Variants in MED24 observed in about 807,000 individuals in gnomAD.
The protein encoded by MED24 is mediator complex subunit 24, also known as mediator of RNA polymerase II transcription subunit 24.
In MED24, 74 loss-of-function variants were observed where a neutral mutation model predicts 118.8. The ratio of observed to expected loss-of-function variants is 0.62; its 90% CI spans 0.52 to 0.76. The LOEUF is 0.76. MED24 is among the 30% of genes least tolerant of loss of function. The probability of loss-of-function intolerance (pLI) is 0.00; values close to 1 mark genes in which losing one functional copy is unlikely to be tolerated. For missense variants in MED24, 1,041 were observed against 1,278.9 expected, an observed-to-expected ratio of 0.81 and a Z score of 2.84; for synonymous variants, 521 against 523.9, an observed-to-expected ratio of 0.99 and a Z score of 0.08.
rs141013830 is a variant in MED24 at position 40,019,785 on chromosome 17, G to C, written c.2853C>G (p.Thr951=). The C allele has an allele frequency of 1.9e-6, 3 of 1,611,808 alleles. No individual in the cohort carries two copies. Among genetic ancestry groups the C allele is most frequent in the Non-Finnish European group, 2.5e-6 (3 of 1,178,866 alleles). Residue 951 remains threonine, a splice_region_variant and synonymous_variant, in exon 25 of 26, where the codon ACC becomes ACG. Coordinates refer to ENST00000394128, the MANE Select transcript of MED24 (RefSeq NM_014815.4). The part of the protein sequence containing the change: ...GSVLQFMPFT[T]VSELVKVSAM... ...GGAGAGCCGGGAAGGTGGTACTCAC[G>C]GTGGTGAAGGGCATGAACTGCAGGA...
intron 11 of MED24, 29 bp from the exon 12 acceptor site, chr17:40,031,274 T>C (rs895266921): frequency 1.3e-6 from 2 of 1,544,762 alleles, no homozygotes; most frequent in Admixed American, 2.0e-5. Flanking sequence ...CTGAGGGAAC[T>C]GGGCACCTGG....
Position 40,033,101 on chromosome 17 carries a change from C to T in MED24, c.777G>A (p.Glu259=), listed in dbSNP as rs1224374856. The T allele has an allele frequency of 5.6e-6, 9 of 1,614,154 alleles. No individual in the cohort carries two copies. The highest frequency in any genetic ancestry group is 1.7e-6 in the Non-Finnish European group (2 of 1,180,046). Residue 259 remains glutamate (E), a synonymous_variant, in exon 8 of 26, where the codon GAG becomes GAA. Transcript: ENST00000394128. The surrounding 1 kb of genome is among the most constrained non-coding windows in gnomAD (Gnocchi z 5.2). ...TCAGCTGCTCCACCAGGGACTGCGT[C>T]TCGCCTGTCAGGTTCATGGTGCCCT... ...LLEGTMNLTG[E]TQSLVEQLTM... is the part of the protein sequence containing the mutation.
intron 3 of MED24, among the ~76,000 whole-genome samples, chr17:40,047,907 T>C (rs1270976876): frequency 6.6e-6 from 1 of 152,052 alleles, no homozygotes; most frequent in Non-Finnish European, 1.5e-5. Context: ...TTTTTGTATA[T>C]TTAGTAGAGA....
chr17:40,039,782 T>A (rs9895610), intron 3 of MED24, among the ~76,000 whole-genome samples: 1,681 of 53,278 alleles, frequency 0.032, 36 homozygotes, highest in African/African-American at 0.11. Context: ...CCATGCTTAA[T>A]TTTTTTTTTT....
intron 8 of MED24, 82 bp downstream of exon 8, chr17:40,032,974 G>C: frequency 6.4e-7 from 1 of 1,568,794 alleles, no homozygotes; most frequent in South Asian, 1.2e-5. Context: ...ACTTCTCCCA[G>C]GGAGAACCAG....
Position 40,019,514 on chromosome 17 carries a change from G to A in MED24, c.*15C>T. 1 of 1,607,678 alleles carries A rather than the reference G, an allele frequency of 6.2e-7. No individual in the cohort carries two copies. Among genetic ancestry groups the A allele is most frequent in the Non-Finnish European group, 8.5e-7 (1 of 1,176,804 alleles). On this transcript the variant is annotated 3_prime_UTR_variant, in exon 26 of 26. Coordinates refer to ENST00000394128, the MANE Select transcript of MED24 (RefSeq NM_014815.4). ...GCGCCAGTCCCCAGCCCCCACTGCG[G>A]CCATGCCAAGCCCCTCAGAGTGCAG...
intron 20 of MED24, 138 bp from the exon 21 acceptor site, chr17:40,022,964 C>A (rs1982212647): frequency 1.5e-6 from 2 of 1,341,058 alleles, no homozygotes; most frequent in Non-Finnish European, 2.0e-6. Flanking sequence ...CAGGCTGAAT[C>A]CCAGTCTCTG....
intron 3 of MED24, among the ~76,000 whole-genome samples, chr17:40,049,723 C>T (rs2144994450): frequency 6.7e-6 from 1 of 149,670 alleles, no homozygotes; most frequent in South Asian, 2.2e-4. Context: ...GACGGGGTTT[C>T]ACCATGTTGT....
Position 40,023,364 on chromosome 17 carries a change from T to C in MED24, c.2017A>G (p.Met673Val). Residue 673 changes from methionine (M) to valine (V), a missense_variant, in exon 20 of 26, where the codon ATG (methionine) becomes GTG (valine). Transcript: ENST00000394128. ...VVIMNSILER[M>V]CADVLQQTAT... is the part of the protein sequence containing the mutation. ...GTCTGCTGCAGCACGTCGGCACACA[T>C]GCGCTCCAGGATCGAGTTCATGATC... The C allele has an allele frequency of 1.9e-6, 3 of 1,608,838 alleles. No individual in the cohort carries two copies. The highest frequency in any genetic ancestry group is 2.5e-6 in the Non-Finnish European group (3 of 1,176,996).
rs748121506 is a variant in MED24, at chr17:40,027,459, G to A, written c.1454C>T (p.Pro485Leu). Residue 485 changes from proline (P) to leucine (L), a missense_variant, in exon 16 of 26, where the codon CCG becomes CTG. Coordinates refer to ENST00000394128, the MANE Select transcript of MED24 (RefSeq NM_014815.4). ...AAACAGCAGGGCCCGGACGGAGGCC[G>A]GTTTGGCTGTGGAAGGACGGGAAGG... ...TTYGSEESTK[P>L]ASVRALLFDI... 5.0e-6 allele frequency: 8 copies of A among 1,611,138 alleles called. No homozygotes were observed. Among genetic ancestry groups the A allele is most frequent in the Admixed American group, 3.4e-5 (2 of 59,684 alleles).
rs528647189 is a variant in MED24, at chr17:40,027,801, A to T, written c.1447+108T>A. On this transcript the variant is annotated intron_variant, in intron 15 of 25. Coordinates refer to ENST00000394128, the MANE Select transcript of MED24 (RefSeq NM_014815.4). ...CCATTGGTCATGGCTCTGAGGAGGG[A>T]GCACAGCCTCCCCCTGTTGAGCTGG... The T allele has an allele frequency of 5.7e-6, 7 of 1,227,732 alleles. No homozygotes were observed. In the East Asian group the frequency reaches 1.6e-4, roughly 28 times the overall value. The allele number at this position is 1,227,732 out of a possible 1,614,324, so 76.1% of individuals were successfully genotyped here. A position where few individuals can be genotyped will look rare whatever the true frequency, so the allele number is the denominator to read the frequency against.
At chr17:40,051,509 G>T (rs1354261823) in intron 3 of MED24, among the ~76,000 whole-genome samples, 1 of 152,016 alleles carries the variant, frequency 6.6e-6, no homozygotes, top group East Asian at 1.9e-4. Flanking sequence ...AGCTACTCAG[G>T]AGGCTGAGGC....
chr17:40,034,782 A>C, intron 6 of MED24: 1 of 623,032 alleles, frequency 1.6e-6, no homozygotes. Flanking sequence ...TCTGTGATGT[A>C]CTAGTCTTGC....
chr17:40,023,034 C>A, intron 20 of MED24, 97 bp downstream of exon 20: 1 of 1,500,070 alleles, frequency 6.7e-7, no homozygotes, highest in South Asian at 1.3e-5. Flanking sequence ...CCACCTGGCT[C>A]ACGGCAGCCT....
chr17:40,046,209 C>G (rs1345116825), intron 3 of MED24, among the ~76,000 whole-genome samples: 1 of 150,186 alleles, frequency 6.7e-6, no homozygotes, highest in Non-Finnish European at 1.5e-5. Context: ...CTCAGCCTCC[C>G]GAGTAGCTGG....
At chr17:40,043,188 T>C (rs1043198137) in intron 3 of MED24, among the ~76,000 whole-genome samples, 5 of 152,188 alleles carry the variant, frequency 3.3e-5, no homozygotes, top group Non-Finnish European at 2.9e-5. Context: ...CCTAAGGTGA[T>C]CCACCCACCT....
intron 1 of MED24, 103 bp from the exon 2 acceptor site, chr17:40,053,738 A>C (rs1986071482): frequency 7.0e-7 from 1 of 1,435,866 alleles, no homozygotes; most frequent in Admixed American, 1.9e-5. Flanking sequence ...GGAAGATTTA[A>C]GCGAGACAGA....
intron 3 of MED24, among the ~76,000 whole-genome samples, chr17:40,050,741 T>C (rs1263662145): frequency 6.6e-6 from 1 of 151,524 alleles, no homozygotes; most frequent in Non-Finnish European, 1.5e-5. Flanking sequence ...GGGAGTGGGG[T>C]GAGGGTTGAA....
intron 3 of MED24, among the ~76,000 whole-genome samples, chr17:40,050,835 C>T: frequency 6.6e-6 from 1 of 152,262 alleles, no homozygotes; most frequent in East Asian, 1.9e-4. Context: ...AATGTATGCA[C>T]ATAAGAAATC....
Sources: gnomAD v4.1 joint callset for allele counts (sites outside exome capture counted in the v4.1 genomes callset) on GRCh38, gnomAD v4.1.1 for gene constraint, Gnocchi (gnomAD v3.1) non-coding constraint, MANE v1.5 for transcripts, NCBI Gene and HGNC (gene_info 2026-07-23, HGNC 2026-07-21) for gene names.